The following TCERG1L variants were observed in gnomAD, a reference collection of about 807,000 sequenced individuals.
TCERG1L encodes transcription elongation regulator 1-like protein.
Under a neutral mutation model 56.3 loss-of-function variants are expected in TCERG1L, and 37 were observed. That is an observed-to-expected ratio of 0.66 (90% CI 0.51 to 0.87). The LOEUF (loss-of-function observed/expected upper bound fraction) is 0.87. Among genes scored for constraint, TCERG1L ranks in the 40% least tolerant of loss-of-function variants. The pLI is 0.00. For missense variants in TCERG1L, 799 were observed against 774.2 expected, an observed-to-expected ratio of 1.03 and a Z score of -0.38; for synonymous variants, 324 against 326.3, an observed-to-expected ratio of 0.99 and a Z score of 0.08.
At chr10:131,187,514 A>C (rs1461866932) in intron 4 of TCERG1L, among the ~76,000 whole-genome samples, 4 of 151,508 alleles carry the variant, frequency 2.6e-5, no homozygotes, top group Non-Finnish European at 4.4e-5. Flanking sequence ...CCCATCTCCC[A>C]CCCCAACTCC....
chr10:131,147,058 G>T (rs763633742), intron 6 of TCERG1L, among the ~76,000 whole-genome samples: 3 of 151,712 alleles, frequency 2.0e-5, no homozygotes, highest in Non-Finnish European at 4.4e-5. Flanking sequence ...TTCGGAGAGC[G>T]GCTCCCTACA....
chr10:131,202,418 C>T (rs1168180407), intron 4 of TCERG1L, among the ~76,000 whole-genome samples: 1 of 152,088 alleles, frequency 6.6e-6, no homozygotes, highest in Admixed American at 6.5e-5. Flanking sequence ...CCCATTACCA[C>T]TAAAAATACA....
intron 11 of TCERG1L, among the ~76,000 whole-genome samples, chr10:131,093,990 T>C (rs1200204479): frequency 4.6e-5 from 7 of 152,170 alleles, no homozygotes; most frequent in Admixed American, 3.3e-4. Context: ...CAAACACTGA[T>C]GGAGCGAATC....
intron 7 of TCERG1L, among the ~76,000 whole-genome samples, chr10:131,135,040 G>T (rs1005294071): frequency 6.6e-6 from 1 of 152,240 alleles, no homozygotes; most frequent in Non-Finnish European, 1.5e-5. Flanking sequence ...GAAAACGTTT[G>T]ATGAACTTTT....
intron 4 of TCERG1L, among the ~76,000 whole-genome samples, chr10:131,226,604 T>C (rs1845793067): frequency 6.6e-6 from 1 of 152,170 alleles, no homozygotes; most frequent in Non-Finnish European, 1.5e-5. Context: ...AATAAGCCAC[T>C]GAAGGAAGGG....
chr10:131,159,018 C>T (rs1163034076), intron 6 of TCERG1L, among the ~76,000 whole-genome samples: 1 of 152,254 alleles, frequency 6.6e-6, no homozygotes, highest in Non-Finnish European at 1.5e-5. Flanking sequence ...CCTTCCCACC[C>T]ACTTCCACTG....
At chr10:131,287,661 C>A (rs1355592639) in intron 3 of TCERG1L, among the ~76,000 whole-genome samples, 1 of 152,166 alleles carries the variant, frequency 6.6e-6, no homozygotes, top group African/African-American at 2.4e-5. Flanking sequence ...CACCTCCTTG[C>A]CATCTAGAGC....
At chr10:131,107,398 G>A (rs1314375132) in intron 9 of TCERG1L, among the ~76,000 whole-genome samples, 1 of 152,152 alleles carries the variant, frequency 6.6e-6, no homozygotes, top group Non-Finnish European at 1.5e-5. Flanking sequence ...CTCTATAGAA[G>A]GTCAGATAAG....
chr10:131,232,757 A>G (rs947811810), intron 4 of TCERG1L, among the ~76,000 whole-genome samples: 6 of 152,080 alleles, frequency 3.9e-5, no homozygotes, highest in Non-Finnish European at 7.4e-5. Context: ...GTTCCACCAC[A>G]CAAGTGTCCC....
chr10:131,098,323 T>A lies in TCERG1L; in HGVS notation c.1587A>T (p.Glu529Asp). 2 of 1,552,358 alleles carry A rather than the reference T, an allele frequency of 1.3e-6. No individual in the cohort carries two copies. Among genetic ancestry groups the A allele is most frequent in the Non-Finnish European group, 1.7e-6 (2 of 1,147,314 alleles). Residue 529 changes from glutamate (E) to aspartate (D), a missense_variant, in exon 11 of 12, where the codon GAA becomes GAT. By Grantham distance (45) the Glu-to-Asp change is conservative. Transcript: ENST00000368642. ...AKEEFKKLLEESKVSPRTTFK... is the reference protein window; with the variant it reads ...AKEEFKKLLEDSKVSPRTTFK... ...CTCCATACCTGGGAGACACTTTAGA[T>A]TCCTCTAGAAGTTTCTTGAATTCTT...
chr10:131,150,024 T>C (rs1207904443), intron 6 of TCERG1L, among the ~76,000 whole-genome samples: 1 of 152,222 alleles, frequency 6.6e-6, no homozygotes, highest in Non-Finnish European at 1.5e-5. Flanking sequence ...TTTTTCATGA[T>C]GTTTTGCTGC....
At chr10:131,145,324 A>G (rs1252679628) in intron 7 of TCERG1L, among the ~76,000 whole-genome samples, 1 of 152,212 alleles carries the variant, frequency 6.6e-6, no homozygotes, top group Admixed American at 6.5e-5. Context: ...CTCTTTTAAT[A>G]ATGAATGTGA....
At chr10:131,184,401 G>C (rs948711989) in intron 4 of TCERG1L, among the ~76,000 whole-genome samples, 15 of 152,198 alleles carry the variant, frequency 9.9e-5, no homozygotes, top group African/African-American at 3.4e-4. Context: ...AACAACTATC[G>C]CTGGAGGAGA....
intron 4 of TCERG1L, among the ~76,000 whole-genome samples, chr10:131,174,305 C>G (rs185140931): frequency 1.3e-5 from 2 of 152,366 alleles, no homozygotes; most frequent in East Asian, 3.9e-4. Flanking sequence ...CCCAGCATCA[C>G]GCCCGGCCGC....
chr10:131,160,369 C>G (rs1422724948), intron 6 of TCERG1L, among the ~76,000 whole-genome samples: 8 of 152,144 alleles, frequency 5.3e-5, no homozygotes, highest in African/African-American at 1.9e-4. Flanking sequence ...CTCCCAGGCC[C>G]AAGCCCTCAC....
chr10:131,309,834 CAAAAAAA>C (rs58892586), intron 1 of TCERG1L, among the ~76,000 whole-genome samples: 11 of 49,824 alleles, frequency 2.2e-4, no homozygotes, highest in South Asian at 1.2e-3. Context: ...GATTCTATGG[CAAAAAAA>C]AAAAAAAAAA....
intron 7 of TCERG1L, among the ~76,000 whole-genome samples, chr10:131,141,481 C>T (rs141180518): frequency 2.6e-5 from 4 of 152,164 alleles, no homozygotes; most frequent in Non-Finnish European, 5.9e-5. Context: ...CAAGGCATAG[C>T]GCTCCCTGCC....
At chr10:131,272,965 G>A (rs1400589609) in intron 3 of TCERG1L, among the ~76,000 whole-genome samples, 2 of 152,220 alleles carry the variant, frequency 1.3e-5, no homozygotes, top group Non-Finnish European at 2.9e-5. Context: ...TCATTTGAGG[G>A]TGATCTGGCG....
chr10:131,158,778 G>A lies in TCERG1L; in HGVS notation c.1034+4344C>T, dbSNP rs560772010. ...GCGGCCTGGTCTCTGAGTGCCAAGC[G>A]GACCATCGCAGAGAGGATGCACCGT... On this transcript the variant is annotated intron_variant, in intron 6 of 11. Transcript: ENST00000368642. 5.3e-5 allele frequency among the ~76,000 whole-genome samples: 8 copies of A among 152,314 alleles called. No homozygotes were observed. The South Asian group carries it at 6.2e-4, about 12-fold the overall frequency.
Sources: gnomAD v4.1 joint callset for allele counts (sites outside exome capture counted in the v4.1 genomes callset) on GRCh38, gnomAD v4.1.1 for gene constraint, MANE v1.5 for transcripts, NCBI Gene and HGNC (gene_info 2026-07-23, HGNC 2026-07-21) for gene names.